ACTR3C: variants seen among roughly 807,000 people sequenced by gnomAD.
The protein encoded by ACTR3C is actin-related protein 3C.
ACTR3C carries 18 observed loss-of-function variants against 26.3 expected under a neutral mutation model. The ratio of observed to expected loss-of-function variants is 0.68; its 90% CI spans 0.47 to 1.01. The LOEUF is 1.01. Ranked by LOEUF, ACTR3C falls within the 50% of genes least tolerant of loss-of-function variation. The probability of loss-of-function intolerance (pLI) is 0.00; values close to 1 mark genes in which losing one functional copy is unlikely to be tolerated. For synonymous variants in ACTR3C, 55 were observed against 94.5 expected (o/e 0.58, Z 2.42); for missense variants, 184 against 250.7 (o/e 0.73, Z 1.80).
the ACTR3C span, among the ~76,000 whole-genome samples, chr7:150,012,513 C>T: frequency 6.6e-6 from 1 of 150,712 alleles, no homozygotes; most frequent in Non-Finnish European, 1.5e-5. Context: ...GATGGGGTTT[C>T]ACCATGTTAG....
the ACTR3C span, among the ~76,000 whole-genome samples, chr7:149,977,868 G>A: frequency 6.6e-6 from 1 of 151,802 alleles, no homozygotes; most frequent in Non-Finnish European, 1.5e-5. Context: ...ATGCCAGGTG[G>A]TATATGTATT....
chr7:150,085,090 TG>T, the ACTR3C span, among the ~76,000 whole-genome samples: 2 of 152,108 alleles, frequency 1.3e-5, no homozygotes, highest in Admixed American at 6.5e-5. Context: ...GATGGAACAC[TG>T]GTGGAGGAGC....
At chr7:150,120,099 A>T in the ACTR3C span, among the ~76,000 whole-genome samples, 1 of 152,234 alleles carries the variant, frequency 6.6e-6, no homozygotes, top group Non-Finnish European at 1.5e-5. Flanking sequence ...TTAGACGGAC[A>T]TTTATGGCAC....
the ACTR3C span, among the ~76,000 whole-genome samples, chr7:149,975,428 C>T: frequency 6.6e-6 from 1 of 151,862 alleles, no homozygotes; most frequent in Non-Finnish European, 1.5e-5. Context: ...AAATTATAGC[C>T]GTAAACATTT....
chr7:149,979,703 A>G, the ACTR3C span, among the ~76,000 whole-genome samples: 40,001 of 151,184 alleles, frequency 0.26, 5,373 homozygotes, highest in South Asian at 0.31. Flanking sequence ...TGTCTTAATC[A>G]GATCTAGTAA....
chr7:150,056,095 T>C, the ACTR3C span, among the ~76,000 whole-genome samples: 5 of 152,218 alleles, frequency 3.3e-5, no homozygotes, highest in Non-Finnish European at 5.9e-5. Context: ...ATTTAAAAAA[T>C]GGGTTGATGC....
At chr7:149,956,324 A>T in the ACTR3C span, among the ~76,000 whole-genome samples, 1 of 152,262 alleles carries the variant, frequency 6.6e-6, no homozygotes, top group South Asian at 2.1e-4. Flanking sequence ...TGGGAAGCTG[A>T]GGTGGGAGGA....
chr7:150,255,854 G>C (rs375317365), intron 6 of ACTR3C, among the ~76,000 whole-genome samples: 7 of 152,260 alleles, frequency 4.6e-5, no homozygotes, highest in African/African-American at 1.4e-4. Context: ...TGTATATCTT[G>C]GGCTATTACA....
the ACTR3C span, chr7:149,909,828 T>TAA: frequency 3.7e-6 from 1 of 271,430 alleles, no homozygotes; most frequent in African/African-American, 1.0e-4. Flanking sequence ...CTCCTTGAAA[T>TAA]TAAAAAAAAA....
At chr7:150,034,688 T>G in the ACTR3C span, among the ~76,000 whole-genome samples, 1 of 151,616 alleles carries the variant, frequency 6.6e-6, no homozygotes, top group South Asian at 2.1e-4. Context: ...CGTCGGAAGA[T>G]TTGAACTTTC....
the ACTR3C span, among the ~76,000 whole-genome samples, chr7:150,029,592 C>G: frequency 1.2e-4 from 18 of 151,942 alleles, no homozygotes; most frequent in Non-Finnish European, 2.5e-4. Flanking sequence ...CAAACAAAAA[C>G]TCTTACACTG....
At chr7:149,967,373 T>A in the ACTR3C span, among the ~76,000 whole-genome samples, 1 of 152,106 alleles carries the variant, frequency 6.6e-6, no homozygotes, top group African/African-American at 2.4e-5. Flanking sequence ...GGTTTCACCA[T>A]GTTGGCTAAG....
At chr7:150,035,232 T>C in the ACTR3C span, among the ~76,000 whole-genome samples, 46 of 76,356 alleles carry the variant, frequency 6.0e-4, no homozygotes, top group Admixed American at 9.3e-4. Flanking sequence ...GCCATGGGGG[T>C]CCTAAGAGCC....
the ACTR3C span, among the ~76,000 whole-genome samples, chr7:149,940,065 A>G: frequency 0.014 from 2,116 of 147,136 alleles, 38 homozygotes; most frequent in African/African-American, 0.049. Flanking sequence ...CAAATTTATT[A>G]TATTACTCTG....
chr7:150,267,439 C>A, intron 6 of ACTR3C, among the ~76,000 whole-genome samples: 1 of 152,220 alleles, frequency 6.6e-6, no homozygotes, highest in African/African-American at 2.4e-5. Context: ...TCCAGCATGT[C>A]CACACCGTAT....
chr7:149,947,830 G>A, the ACTR3C span, among the ~76,000 whole-genome samples: 19 of 144,862 alleles, frequency 1.3e-4, 2 homozygotes, highest in African/African-American at 5.3e-4. Context: ...AGAGCTGTGA[G>A]GTTTCTGCCC....
chr7:150,038,038 ATGGGGG>A, the ACTR3C span, among the ~76,000 whole-genome samples: 1 of 130,400 alleles, frequency 7.7e-6, no homozygotes, highest in East Asian at 2.2e-4. Flanking sequence ...CCCAAGAGCC[ATGGGGG>A]GAAGAGGGGT....
At chr7:150,206,887 GT>G in the ACTR3C span, among the ~76,000 whole-genome samples, 1 of 152,156 alleles carries the variant, frequency 6.6e-6, no homozygotes, top group Non-Finnish European at 1.5e-5. Context: ...TTGCTTTATT[GT>G]TTTTATTTTT....
the ACTR3C span, among the ~76,000 whole-genome samples, chr7:149,908,587 A>G: frequency 6.6e-6 from 1 of 152,196 alleles, no homozygotes; most frequent in Non-Finnish European, 1.5e-5. Flanking sequence ...CCCTGTCGAC[A>G]TTCCCCACTG....
Sources: allele counts gnomAD v4.1 joint callset (sites outside exome capture counted in the v4.1 genomes callset), GRCh38; gene constraint gnomAD v4.1.1; transcripts MANE v1.5; gene names NCBI Gene and HGNC (gene_info 2026-07-23, HGNC 2026-07-21).